The following CHL1 variants were observed in gnomAD, a reference collection of about 807,000 sequenced individuals.
The protein encoded by CHL1 is cell adhesion molecule L1 like, also known as neural cell adhesion molecule L1-like protein.
CHL1 carries 96 observed loss-of-function variants against 141.9 expected under a neutral mutation model. That is an observed-to-expected ratio of 0.68 (90% CI 0.57 to 0.80). The LOEUF (loss-of-function observed/expected upper bound fraction) is 0.80, where lower values mean the gene tolerates loss of function less well. Among genes scored for constraint, CHL1 ranks in the 30% least tolerant of loss-of-function variants. The pLI is 0.00. For synonymous variants in CHL1, 613 were observed against 502.2 expected (o/e 1.22, Z -2.95); for missense variants, 1,820 against 1,457.2 (o/e 1.25, Z -4.05).
At position 339,727 on chromosome 3, in the gene CHL1, A is replaced by T. The variant is rs558894195; in HGVS notation, c.386-1067A>T. On this transcript the variant is annotated intron_variant, in intron 5 of 27. Transcript: ENST00000256509. Reference sequence around the variant, plus strand: ...CCTCTAAAGGCATGGATGGGGGTTGAGGGGCTATAGGACAAATATATAGGA... The same window carrying T: ...CCTCTAAAGGCATGGATGGGGGTTGTGGGGCTATAGGACAAATATATAGGA... Among the ~76,000 whole-genome samples, 8 of 152,332 alleles carry T rather than the reference A, an allele frequency of 5.3e-5. No homozygotes were observed. The South Asian group carries it at 1.7e-3, about 32-fold the overall frequency.
chr3:254,870 C>T (rs188683863), intron 2 of CHL1, among the ~76,000 whole-genome samples: 5 of 152,230 alleles, frequency 3.3e-5, no homozygotes, highest in Admixed American at 3.3e-4. Context: ...TCTTAAAGGC[C>T]CACCAGTTAA....
chr3:381,409 G>A (rs541680306), intron 16 of CHL1, among the ~76,000 whole-genome samples: 1 of 152,290 alleles, frequency 6.6e-6, no homozygotes, highest in South Asian at 2.1e-4. Flanking sequence ...TATCTGCAGG[G>A]CACCAAACAA....
intron 2 of CHL1, among the ~76,000 whole-genome samples, chr3:281,487 T>C (rs1214221303): frequency 6.6e-6 from 1 of 152,066 alleles, no homozygotes; most frequent in East Asian, 1.9e-4. Context: ...ATGGTTCACC[T>C]CTGTCTTAAA....
At chr3:349,591 TG>T (rs774760217) in intron 10 of CHL1, 48 bp downstream of exon 10, 51 of 1,486,924 alleles carry the variant, frequency 3.4e-5, no homozygotes, top group Non-Finnish European at 4.7e-5. Flanking sequence ...AAAAAGTAAC[TG>T]TATACATGTA....
chr3:232,304 A>G (rs1846447), intron 1 of CHL1, among the ~76,000 whole-genome samples: 111,089 of 152,046 alleles, frequency 0.73, 40,966 homozygotes, highest in Non-Finnish European at 0.79. Flanking sequence ...TCTTTGTACT[A>G]AGTTATTTTT....
intron 2 of CHL1, among the ~76,000 whole-genome samples, chr3:318,993 A>T (rs188438863): frequency 1.3e-5 from 2 of 151,806 alleles, no homozygotes; most frequent in East Asian, 3.9e-4. Flanking sequence ...AAAGAACAAA[A>T]TTGTGTCCTT....
chr3:277,887 A>G (rs1696295619), intron 2 of CHL1, among the ~76,000 whole-genome samples: 1 of 152,236 alleles, frequency 6.6e-6, no homozygotes, highest in East Asian at 1.9e-4. Flanking sequence ...TTTCTTTTCC[A>G]TAACAAGAAG....
At chr3:302,359 C>T (rs955977765) in intron 2 of CHL1, among the ~76,000 whole-genome samples, 1 of 152,208 alleles carries the variant, frequency 6.6e-6, no homozygotes, top group Non-Finnish European at 1.5e-5. Context: ...TACACTCCCA[C>T]CAACAGTGTA....
chr3:382,362 G>C, intron 17 of CHL1, 82 bp downstream of exon 17: 4 of 1,470,870 alleles, frequency 2.7e-6, no homozygotes, highest in Non-Finnish European at 3.8e-6. Flanking sequence ...CACTCTTACT[G>C]GTTTATTCTT....
intron 9 of CHL1, among the ~76,000 whole-genome samples, chr3:348,763 G>T (rs1163134095): frequency 6.6e-6 from 1 of 152,220 alleles, no homozygotes; most frequent in Non-Finnish European, 1.5e-5. Context: ...ACAAGGGCGA[G>T]AACGTGATCC....
intron 2 of CHL1, among the ~76,000 whole-genome samples, chr3:279,356 T>C (rs629053): frequency 0.064 from 9,675 of 152,170 alleles, 1,030 homozygotes; most frequent in African/African-American, 0.22. Flanking sequence ...TTTATTTTAA[T>C]CGAGGGGGGA....
Position 354,620 on chromosome 3 carries a change from G to C in CHL1, c.1034-20G>C. 1.9e-6 allele frequency: 3 copies of C among 1,602,608 alleles called. No individual in the cohort carries two copies. The highest frequency in any genetic ancestry group is 2.6e-6 in the Non-Finnish European group (3 of 1,175,568). ...TTGACATAGATAACATCTCTCATGA[G>C]CTCTTCACTTTACATCCAGAGCCTC... is the stretch of plus-strand genomic sequence containing the variant. On this transcript the variant is annotated intron_variant, in intron 10 of 27. Coordinates refer to ENST00000256509, the MANE Select transcript of CHL1 (RefSeq NM_006614.4).
At chr3:356,327 T>C (rs915612680) in intron 11 of CHL1, among the ~76,000 whole-genome samples, 1 of 152,216 alleles carries the variant, frequency 6.6e-6, no homozygotes, top group Non-Finnish European at 1.5e-5. Flanking sequence ...ACAAAAGACA[T>C]TCACAAATTA....
At position 365,848 on chromosome 3, in the gene CHL1, T is replaced by C. The variant is rs1213476524; in HGVS notation, c.1586-102T>C. Reference sequence around the variant, plus strand: ...AGTGGGACAAACCCTGCATGAGGATTGGACAGTTATGGTGACAATTTGGGT... The same window carrying C: ...AGTGGGACAAACCCTGCATGAGGATCGGACAGTTATGGTGACAATTTGGGT... On this transcript the variant is annotated intron_variant, in intron 14 of 27. Coordinates refer to ENST00000256509, the MANE Select transcript of CHL1 (RefSeq NM_006614.4). The C allele has an allele frequency of 1.2e-5, 9 of 774,004 alleles. No homozygotes were observed. The Admixed American group carries it at 2.2e-4, about 19-fold the overall frequency. The allele number at this position is 774,004 out of a possible 1,614,324, so 47.9% of individuals were successfully genotyped here.
intron 2 of CHL1, among the ~76,000 whole-genome samples, chr3:299,882 A>C (rs1399028689): frequency 6.6e-6 from 1 of 152,230 alleles, no homozygotes; most frequent in Admixed American, 6.5e-5. Context: ...ATACAATATC[A>C]AAACAAGGTC....
At chr3:265,523 A>G in intron 2 of CHL1, among the ~76,000 whole-genome samples, 1 of 152,204 alleles carries the variant, frequency 6.6e-6, no homozygotes, top group Non-Finnish European at 1.5e-5. Flanking sequence ...AAAATGCACT[A>G]AATTTCTGAG....
intron 2 of CHL1, among the ~76,000 whole-genome samples, chr3:251,977 G>A (rs1233775775): frequency 6.6e-6 from 1 of 151,912 alleles, no homozygotes; most frequent in Non-Finnish European, 1.5e-5. Flanking sequence ...ATCAAGCTGA[G>A]TTGGAAATCG....
chr3:335,703 T>G (rs529860606), intron 5 of CHL1, among the ~76,000 whole-genome samples: 1 of 152,356 alleles, frequency 6.6e-6, no homozygotes, highest in South Asian at 2.1e-4. Context: ...AAACACATCA[T>G]ATGTTCTACA....
At chr3:200,837 CT>C (rs1003968745) in intron 1 of CHL1, among the ~76,000 whole-genome samples, 15 of 152,220 alleles carry the variant, frequency 9.9e-5, no homozygotes, top group African/African-American at 3.1e-4. Context: ...ATGCTGCTTT[CT>C]TTTTTCTGTA....
Sources: allele counts gnomAD v4.1 joint callset (sites outside exome capture counted in the v4.1 genomes callset), GRCh38; gene constraint gnomAD v4.1.1; transcripts MANE v1.5; gene names NCBI Gene and HGNC (gene_info 2026-07-23, HGNC 2026-07-21).